Variants in IKZF1 observed in about 807,000 individuals in gnomAD.
IKZF1 encodes IKAROS family zinc finger 1.
Under a neutral mutation model 51.7 loss-of-function variants are expected in IKZF1, and 10 were observed. The ratio of observed to expected loss-of-function variants is 0.19; its 90% CI spans 0.12 to 0.33. IKZF1 has a LOEUF of 0.33. Among genes scored for constraint, IKZF1 ranks in the 10% least tolerant of loss-of-function variants. The probability of loss-of-function intolerance (pLI) is 1.00; values close to 1 mark genes in which losing one functional copy is unlikely to be tolerated. For missense variants in IKZF1, 484 were observed against 707.5 expected (o/e 0.68, Z 3.58); for synonymous variants, 280 against 282.3 (o/e 0.99, Z 0.08).
At chr7:50,394,440 A>G (rs11763774) in intron 7 of IKZF1, 113,162 of 232,808 alleles carry the variant, frequency 0.49, 27,816 homozygotes, top group Admixed American at 0.57. Context: ...CTAGGAATAC[A>G]GCTGTTATCA....
chr7:50,371,183 G>A (rs1725590453), intron 3 of IKZF1, among the ~76,000 whole-genome samples: 1 of 152,210 alleles, frequency 6.6e-6, no homozygotes, highest in South Asian at 2.1e-4. Context: ...GAATTCAGCA[G>A]GAGCCTTGCA....
At chr7:50,359,481 G>A (rs1459259641) in intron 3 of IKZF1, among the ~76,000 whole-genome samples, 1 of 152,196 alleles carries the variant, frequency 6.6e-6, no homozygotes, top group Non-Finnish European at 1.5e-5. Flanking sequence ...CTGACATTCC[G>A]AACAGTGGAG....
Position 50,400,141 on chromosome 7 carries a change from C to T in IKZF1, c.1074C>T (p.Thr358=), listed in dbSNP as rs755292607. The T allele has an allele frequency of 6.4e-7, 1 of 1,561,876 alleles. No homozygotes were observed. The highest frequency in any genetic ancestry group is 1.2e-5 in the South Asian group (1 of 85,198). The part of the protein sequence containing the change: ...YQLHKPLAEG[T]PRSNHSAQDS... ...TGCACAAGCCGCTCGCGGAGGGCAC[C>T]CCGCGCTCCAACCACTCGGCCCAGG... is the stretch of plus-strand genomic sequence containing the variant. Residue 358 remains threonine, a synonymous_variant, in exon 8 of 8, where the codon ACC becomes ACT. Transcript: ENST00000331340. The surrounding 1 kb of genome is among the most constrained non-coding windows in gnomAD (Gnocchi z 5.4).
intron 3 of IKZF1, among the ~76,000 whole-genome samples, chr7:50,352,883 A>G (rs1337383625): frequency 6.6e-6 from 1 of 152,230 alleles, no homozygotes; most frequent in African/African-American, 2.4e-5. Flanking sequence ...AAATTTGTAT[A>G]TCTTATCCTT....
chr7:50,335,442 G>T (rs1177411744), intron 3 of IKZF1, among the ~76,000 whole-genome samples: 1 of 42,908 alleles, frequency 2.3e-5, no homozygotes. Context: ...TGGGATGTGT[G>T]GTGTGTGTGT....
intron 3 of IKZF1, among the ~76,000 whole-genome samples, chr7:50,357,315 C>G (rs142801511): frequency 0.012 from 1,886 of 152,124 alleles, 31 homozygotes; most frequent in Middle Eastern, 0.048. Context: ...CATGACTGTC[C>G]CCATGATTCT....
chr7:50,343,133 TCTTTCTTCCTTC>T (rs1799470798), intron 3 of IKZF1, among the ~76,000 whole-genome samples: 1 of 136,372 alleles, frequency 7.3e-6, no homozygotes, highest in Non-Finnish European at 1.5e-5. Context: ...TCCCTCCCTT[TCTTTCTTCCTTC>T]CTTTCTTTCT....
chr7:50,375,916 C>A (rs75612853), intron 3 of IKZF1, among the ~76,000 whole-genome samples: 10,654 of 152,172 alleles, frequency 0.07, 518 homozygotes, highest in South Asian at 0.093. Context: ...TGTACCAAAG[C>A]AACACAAAGA....
At chr7:50,384,575 A>C in intron 5 of IKZF1, among the ~76,000 whole-genome samples, 1 of 152,252 alleles carries the variant, frequency 6.6e-6, no homozygotes, top group South Asian at 2.1e-4. Context: ...AGACAGTAGC[A>C]TGACGGTGAG....
In IKZF1 at chr7:50,318,876, G is replaced by T. The variant is rs78415303; in HGVS notation, c.-14-172G>T. 3.3e-3 allele frequency among the ~76,000 whole-genome samples: 497 copies of T among 152,274 alleles called. 4 individuals carry two copies. The highest frequency in any genetic ancestry group is 0.011 in the African/African-American group (471 of 41,536). On this transcript the variant is annotated intron_variant, in intron 1 of 7. Transcript: ENST00000331340. ...ATCTTTGTAATGCTGTTTTTAAAAG[G>T]ATCAAGGTCTGTGCCAGTCTGATAC...
chr7:50,332,220 G>T (rs1019307175), intron 3 of IKZF1, among the ~76,000 whole-genome samples: 6 of 152,316 alleles, frequency 3.9e-5, no homozygotes, highest in African/African-American at 1.4e-4. Flanking sequence ...GGTCTGGAGA[G>T]CAGATAAGTG....
chr7:50,339,705 G>A (rs1798632628), intron 3 of IKZF1, among the ~76,000 whole-genome samples: 1 of 151,024 alleles, frequency 6.6e-6, no homozygotes, highest in Non-Finnish European at 1.5e-5. Flanking sequence ...AGTGAGCCAA[G>A]ATTGTGGCAC....
At chr7:50,380,274 G>A (rs1374123349) in intron 4 of IKZF1, among the ~76,000 whole-genome samples, 2 of 152,202 alleles carry the variant, frequency 1.3e-5, no homozygotes, top group Admixed American at 1.3e-4. Flanking sequence ...GGTTTCCAGT[G>A]AAATTTGTTT....
intron 7 of IKZF1, among the ~76,000 whole-genome samples, chr7:50,399,499 TGTATA>T (rs533921506): frequency 1.7e-3 from 261 of 152,050 alleles, no homozygotes; most frequent in Non-Finnish European, 2.2e-3. Flanking sequence ...ATTCAATAAA[TGTATA>T]GTAAGTTAGC....
chr7:50,389,091 G>A (rs1007848642), intron 6 of IKZF1, among the ~76,000 whole-genome samples: 1 of 152,212 alleles, frequency 6.6e-6, no homozygotes, highest in East Asian at 1.9e-4. Context: ...CTGCTTCCGG[G>A]GGAGCAGGAG....
chr7:50,324,857 T>C (rs1794452674), intron 2 of IKZF1, among the ~76,000 whole-genome samples: 2 of 152,156 alleles, frequency 1.3e-5, no homozygotes, highest in African/African-American at 4.8e-5. Flanking sequence ...CCTGATTCTT[T>C]ATGATCCTCA....
intron 3 of IKZF1, among the ~76,000 whole-genome samples, chr7:50,336,826 G>A (rs1304700607): frequency 7.2e-5 from 11 of 152,202 alleles, no homozygotes; most frequent in African/African-American, 2.4e-4. Flanking sequence ...AGGGATGTAA[G>A]TCATAGGGCA....
At chr7:50,325,870 T>C (rs1411022511) in intron 2 of IKZF1, among the ~76,000 whole-genome samples, 7 of 152,212 alleles carry the variant, frequency 4.6e-5, no homozygotes, top group Non-Finnish European at 1.0e-4. Context: ...TTTCACTCAA[T>C]GTCTCTCTGG....
intron 6 of IKZF1, among the ~76,000 whole-genome samples, chr7:50,388,075 T>A (rs1212250807): frequency 6.6e-6 from 1 of 152,150 alleles, no homozygotes; most frequent in Non-Finnish European, 1.5e-5. Flanking sequence ...CATAACGAGA[T>A]AGCACTTGAT....
Sources: gnomAD v4.1 joint callset for allele counts (sites outside exome capture counted in the v4.1 genomes callset) on GRCh38, gnomAD v4.1.1 for gene constraint, Gnocchi (gnomAD v3.1) non-coding constraint, MANE v1.5 for transcripts, NCBI Gene and HGNC (gene_info 2026-07-23, HGNC 2026-07-21) for gene names.